The following GSN variants were observed in gnomAD, a reference collection of about 807,000 sequenced individuals.
GSN encodes the protein actin-depolymerizing factor.
Under a neutral mutation model 85.7 loss-of-function variants are expected in GSN, and 56 were observed. The observed-to-expected ratio is 0.65, with a 90% CI of 0.53 to 0.82. The LOEUF (loss-of-function observed/expected upper bound fraction) is 0.82, where lower values mean the gene tolerates loss of function less well. Ranked by LOEUF, GSN falls within the 40% of genes least tolerant of loss-of-function variation. The pLI, the probability that GSN is intolerant of heterozygous loss-of-function variation, is 0.00. For synonymous variants in GSN, 373 were observed against 399.1 expected (o/e 0.93, Z 0.78); for missense variants, 857 against 979.8 (o/e 0.87, Z 1.67).
intron 11 of GSN, among the ~76,000 whole-genome samples, chr9:121,321,864 C>G (rs185682524): frequency 1.4e-5 from 2 of 146,224 alleles, no homozygotes; most frequent in African/African-American, 4.9e-5. Flanking sequence ...GCCTCAGCCT[C>G]TCTAGTAGCT....
rs538148578 is a variant in GSN at position 121,215,336 on chromosome 9, AT to A, written c.-528+4478del. On this transcript the variant is annotated intron_variant, in intron 4 of 24. Transcript: ENST00000373823. Reference sequence around the variant, plus strand: ...CCAGGGGTTAGAATTTCAACATATCATTTTTTTTTCTTTTTGTGGGGCGACA... The same window carrying A: ...CCAGGGGTTAGAATTTCAACATATCATTTTTTTTCTTTTTGTGGGGCGACA... Among the ~76,000 whole-genome samples, 8 of 150,058 alleles carry A rather than the reference AT, an allele frequency of 5.3e-5. No individual in the cohort carries two copies. The East Asian group carries it at 5.8e-4, about 11-fold the overall frequency.
Position 121,302,044 on chromosome 9 carries a change from T to C in GSN, c.73T>C (p.Phe25Leu). 6.2e-7 allele frequency: 1 copy of C among 1,614,164 alleles called. No individual in the cohort carries two copies. ...PGLQIWRVEKFDLVPVPTNLY... is the reference protein window; with the variant it reads ...PGLQIWRVEKLDLVPVPTNLY... ...CCTGCAGATCTGGCGTGTGGAGAAGTTCGATCTGGTGCCCGTGCCCACCAA... is the reference window on the plus strand; with the variant it reads ...CCTGCAGATCTGGCGTGTGGAGAAGCTCGATCTGGTGCCCGTGCCCACCAA... Residue 25 changes from phenylalanine (F) to leucine (L), a missense_variant, in exon 3 of 18, where the codon TTC becomes CTC. By Grantham distance (22) the Phe-to-Leu change is conservative. Transcript: ENST00000432226.
intron 4 of GSN, among the ~76,000 whole-genome samples, chr9:121,215,798 G>A (rs927956739): frequency 6.6e-6 from 1 of 151,272 alleles, no homozygotes; most frequent in Non-Finnish European, 1.5e-5. Flanking sequence ...TTAATTTATT[G>A]GAAAATTAAT....
rs541786725 is a variant in GSN at position 121,325,349 on chromosome 9, A to G, written c.1416+705A>G. On this transcript the variant is annotated intron_variant, in intron 12 of 17. Coordinates refer to ENST00000432226, the MANE Select transcript of GSN (RefSeq NM_198252.3). ...GAGTTGCCCAGGCAGAGTGAAGGAA[A>G]GCACATTGTGGGTAAAGGGTGGTAC... is the stretch of plus-strand genomic sequence containing the variant. 9.8e-5 allele frequency among the ~76,000 whole-genome samples: 15 copies of G among 152,330 alleles called. No homozygotes were observed. The South Asian group carries it at 2.9e-3, about 29-fold the overall frequency.
chr9:121,271,245 T>C (rs1377164602), intron 1 of GSN, among the ~76,000 whole-genome samples: 2 of 152,162 alleles, frequency 1.3e-5, no homozygotes, highest in Non-Finnish European at 2.9e-5. Flanking sequence ...TCCTAGCTAC[T>C]TGGGAGGCTG....
intron 3 of GSN, among the ~76,000 whole-genome samples, chr9:121,302,419 C>T (rs1564482373): frequency 6.6e-6 from 1 of 152,172 alleles, no homozygotes; most frequent in Non-Finnish European, 1.5e-5. Flanking sequence ...GATAGCTCTG[C>T]ACTACCTCAC....
At chr9:121,317,326 A>G in intron 8 of GSN, 108 bp downstream of exon 8, 1 of 1,229,400 alleles carries the variant, frequency 8.1e-7, no homozygotes, top group South Asian at 1.2e-5. Flanking sequence ...TGCCTGGTGC[A>G]ATGGAAATCA....
intron 6 of GSN, among the ~76,000 whole-genome samples, chr9:121,260,824 A>G (rs2055067410): frequency 6.6e-6 from 1 of 152,226 alleles, no homozygotes; most frequent in Non-Finnish European, 1.5e-5. Flanking sequence ...GAGAAAAACC[A>G]GGAAAAAGAA....
chr9:121,324,225 C>G (rs984083107), intron 11 of GSN, among the ~76,000 whole-genome samples: 2 of 152,228 alleles, frequency 1.3e-5, no homozygotes, highest in African/African-American at 4.8e-5. Context: ...AATGTCCTGG[C>G]CACTTTTCTG....
At chr9:121,235,797 C>T (rs1331341379) in intron 5 of GSN, among the ~76,000 whole-genome samples, 1 of 152,206 alleles carries the variant, frequency 6.6e-6, no homozygotes, top group East Asian at 1.9e-4. Flanking sequence ...TAAACACAAG[C>T]AAGGCTGGCA....
upstream of GSN, among the ~76,000 whole-genome samples, chr9:121,205,712 A>T (rs929209192): frequency 3.9e-5 from 6 of 152,112 alleles, no homozygotes; most frequent in African/African-American, 1.4e-4. Context: ...TCCTGGGAAG[A>T]TGCCTGGAAT....
chr9:121,241,097 T>A (rs1011613342), intron 5 of GSN, among the ~76,000 whole-genome samples: 2 of 152,166 alleles, frequency 1.3e-5, no homozygotes, highest in Non-Finnish European at 2.9e-5. Flanking sequence ...ACAGATCAAT[T>A]AGAAAGAAAG....
intron 2 of GSN, chr9:121,300,116 T>G: frequency 6.2e-7 from 1 of 1,607,230 alleles, no homozygotes. Context: ...GAAAAACTGT[T>G]TTGTTGCTTT....
rs200319453 is a variant in GSN at position 121,328,942 on chromosome 9, G to A, written c.1814G>A (p.Arg605Gln). ...GGKAAYRTSPRLKDKKMDAHP... is the reference protein window; with the variant it reads ...GGKAAYRTSPQLKDKKMDAHP... ...AAGGCTGCCTACCGCACATCCCCAC[G>A]GCTGAAGGACAAGAAGATGGATGCC... Residue 605 changes from arginine to glutamine, a missense_variant, in exon 15 of 18, where the codon CGG (arginine) becomes CAG (glutamine). Transcript: ENST00000432226. 1.2e-6 allele frequency: 2 copies of A among 1,613,786 alleles called. No homozygotes were observed. The highest frequency in any genetic ancestry group is 2.2e-5 in the South Asian group (2 of 91,078).
chr9:121,295,656 G>C (rs924783568), intron 2 of GSN, among the ~76,000 whole-genome samples: 2 of 152,212 alleles, frequency 1.3e-5, no homozygotes, highest in African/African-American at 4.8e-5. Flanking sequence ...GGAGGGCCCA[G>C]AGCTGGTTGT....
In GSN at chr9:121,327,393, G is replaced by A. The variant is rs772099624; in HGVS notation, c.1673G>A (p.Gly558Glu). The A allele has an allele frequency of 6.2e-7, 1 of 1,613,572 alleles. No individual in the cohort carries two copies. Among genetic ancestry groups the A allele is most frequent in the Non-Finnish European group, 8.5e-7 (1 of 1,179,762 alleles). Residue 558 changes from glycine (G) to glutamate (E), a missense_variant, in exon 14 of 18, where the codon GGA becomes GAA. By Grantham distance (98) the Gly-to-Glu change is moderately conservative (BLOSUM62 -2). Coordinates refer to ENST00000432226, the MANE Select transcript of GSN (RefSeq NM_198252.3). ...PSAAYLWVGT[G>E]ASEAEKTGAQ... ...GCCGCCTACCTGTGGGTGGGTACAG[G>A]AGCCAGCGAGGCAGAGAAGACGGGG...
intron 2 of GSN, among the ~76,000 whole-genome samples, chr9:121,288,801 G>A (rs1027028457): frequency 1.3e-5 from 2 of 151,784 alleles, no homozygotes; most frequent in Non-Finnish European, 2.9e-5. Flanking sequence ...TCATGGACAC[G>A]GCATTCAAGA....
intron 4 of GSN, among the ~76,000 whole-genome samples, chr9:121,227,053 G>A (rs1227504410): frequency 6.6e-6 from 1 of 152,144 alleles, no homozygotes; most frequent in Admixed American, 6.5e-5. Flanking sequence ...TGTCCCATGT[G>A]TCTTCTCATC....
At chr9:121,204,245 T>C (rs887276849), upstream of GSN, among the ~76,000 whole-genome samples, 3 of 152,228 alleles carry the variant, frequency 2.0e-5, no homozygotes, top group Admixed American at 6.5e-5. Flanking sequence ...AAACTGAGTG[T>C]CATACAGATC....
Sources: allele counts gnomAD v4.1 joint callset (sites outside exome capture counted in the v4.1 genomes callset), GRCh38; gene constraint gnomAD v4.1.1; transcripts MANE v1.5; gene names NCBI Gene and HGNC (gene_info 2026-07-23, HGNC 2026-07-21).